The following TCF12 variants were observed in gnomAD, a reference collection of about 807,000 sequenced individuals.
TCF12 encodes transcription factor 12.
A neutral mutation model predicts 86.0 loss-of-function variants in TCF12; 45 were observed. That is an observed-to-expected ratio of 0.52 (90% CI 0.41 to 0.67). TCF12 has a LOEUF of 0.67. TCF12 is among the 30% of genes least tolerant of loss of function. The pLI is 0.00. For missense variants in TCF12, 881 were observed against 859.9 expected (o/e 1.02, Z -0.31); for synonymous variants, 330 against 299.6 (o/e 1.10, Z -1.05).
At chr15:57,125,029 G>A (rs545034748) in intron 5 of TCF12, among the ~76,000 whole-genome samples, 133 of 152,032 alleles carry the variant, frequency 8.7e-4, no homozygotes, top group African/African-American at 3.1e-3. Flanking sequence ...TTCTTTTTCC[G>A]CGACCGCCGT....
intron 5 of TCF12, among the ~76,000 whole-genome samples, chr15:57,143,156 C>A (rs551506241): frequency 3.6e-5 from 5 of 139,996 alleles, no homozygotes; most frequent in Admixed American, 7.9e-5. Context: ...CGTGCCCCCC[C>A]CCACCAAAAA....
chr15:57,012,623 A>G (rs760717704), intron 3 of TCF12, among the ~76,000 whole-genome samples: 6 of 152,214 alleles, frequency 3.9e-5, no homozygotes, highest in Non-Finnish European at 7.3e-5. Context: ...AGGATTGGAC[A>G]GAGGGAAAAG....
At chr15:57,074,360 T>A (rs11855170) in intron 4 of TCF12, among the ~76,000 whole-genome samples, 7 of 110,620 alleles carry the variant, frequency 6.3e-5, no homozygotes, top group Non-Finnish European at 8.8e-5. Flanking sequence ...CCATTTTGAT[T>A]AAAAAAAAAA....
At chr15:57,080,944 C>G (rs1186991739) in intron 4 of TCF12, among the ~76,000 whole-genome samples, 1 of 152,082 alleles carries the variant, frequency 6.6e-6, no homozygotes, top group Non-Finnish European at 1.5e-5. Context: ...GTACCTATTC[C>G]CACCTTGGGC....
chr15:57,127,404 T>C (rs543803773), intron 5 of TCF12, among the ~76,000 whole-genome samples: 1 of 152,350 alleles, frequency 6.6e-6, no homozygotes, highest in Admixed American at 6.5e-5. Context: ...ATTTTCATCA[T>C]TAATAGTTTT....
At chr15:57,145,826 C>CT (rs1294257312) in intron 5 of TCF12, among the ~76,000 whole-genome samples, 1 of 152,104 alleles carries the variant, frequency 6.6e-6, no homozygotes. Flanking sequence ...TCTGCTCCTG[C>CT]TGCGTGATAG....
chr15:56,938,361 A>G (rs1022623253), intron 3 of TCF12, among the ~76,000 whole-genome samples: 4 of 151,698 alleles, frequency 2.6e-5, no homozygotes, highest in Non-Finnish European at 2.9e-5. Flanking sequence ...GGGTTTCACC[A>G]TGTTGGCCAG....
rs375949929 is a variant in TCF12 at position 56,946,119 on chromosome 15, G to T, written c.148+25021G>T. 3.2e-3 allele frequency among the ~76,000 whole-genome samples: 494 copies of T among 152,274 alleles called. 5 individuals are homozygous for T. Among genetic ancestry groups the T allele is most frequent in the South Asian group, 0.03 (144 of 4,812 alleles). ...AGGCAAGGTTTCTCTGTGTATGGGT[G>T]TTTGAGATGTATGTTTATAGTTGTT... On this transcript the variant is annotated intron_variant, in intron 3 of 20. Coordinates refer to ENST00000333725, the MANE Select transcript of TCF12 (RefSeq NM_207037.2).
At chr15:57,262,308 T>A in intron 17 of TCF12, 100 bp downstream of exon 17, 1 of 902,886 alleles carries the variant, frequency 1.1e-6, no homozygotes, top group Non-Finnish European at 1.7e-6. Context: ...GAATCAAAAG[T>A]CATTGAGGTG....
At chr15:56,988,147 A>T (rs933235124) in intron 3 of TCF12, among the ~76,000 whole-genome samples, 1 of 152,214 alleles carries the variant, frequency 6.6e-6, no homozygotes, top group Admixed American at 6.5e-5. Flanking sequence ...ATTTTAAAAG[A>T]TAGTAACATT....
chr15:57,050,707 CATT>C (rs1193308150), intron 3 of TCF12, among the ~76,000 whole-genome samples: 3 of 151,944 alleles, frequency 2.0e-5, no homozygotes, highest in Non-Finnish European at 4.4e-5. Context: ...TTAATTTTTT[CATT>C]ATTTTTTGTG....
intron 17 of TCF12, 96 bp downstream of exon 17, chr15:57,262,304 A>G (rs2060625595): frequency 2.1e-6 from 2 of 935,354 alleles, no homozygotes; most frequent in Admixed American, 4.9e-5. Context: ...CTGTGAATCA[A>G]AAGTCATTGA....
At chr15:57,134,374 A>G (rs1354612026) in intron 5 of TCF12, 3 of 152,252 alleles carry the variant, frequency 2.0e-5, no homozygotes, top group Non-Finnish European at 4.4e-5. Context: ...ATTAACAGAA[A>G]TTGATGCTGA....
chr15:57,246,602 A>AT (rs1597603316), intron 13 of TCF12, among the ~76,000 whole-genome samples: 2 of 151,524 alleles, frequency 1.3e-5, no homozygotes, highest in East Asian at 1.9e-4. Context: ...AAAATTCCCT[A>AT]TTTTTTTATT....
chr15:57,066,793 G>A (rs1216964997), intron 4 of TCF12, among the ~76,000 whole-genome samples: 3 of 152,098 alleles, frequency 2.0e-5, no homozygotes, highest in African/African-American at 7.2e-5. Flanking sequence ...AACCATATTT[G>A]GCAGATGAAC....
intron 5 of TCF12, among the ~76,000 whole-genome samples, chr15:57,127,303 T>C (rs1218145804): frequency 6.6e-6 from 1 of 152,142 alleles, no homozygotes; most frequent in Non-Finnish European, 1.5e-5. Flanking sequence ...CTTTCTTCTT[T>C]TTTTTTATTC....
rs1335069677 is a variant in TCF12 at position 57,133,412 on chromosome 15, T to G, written c.326-32990T>G. Among the ~76,000 whole-genome samples, 4 of 152,204 alleles carry G rather than the reference T, an allele frequency of 2.6e-5. No homozygotes were observed. The East Asian group carries it at 7.7e-4, about 29-fold the overall frequency. ...ATCCTCTAGTGAATGAAATGATGTG[T>G]GATTATGAAGTCATCAGGCATGGAC... On this transcript the variant is annotated intron_variant, in intron 5 of 20. Transcript: ENST00000333725.
At chr15:57,255,948 T>A (rs919742022) in intron 16 of TCF12, among the ~76,000 whole-genome samples, 2 of 152,204 alleles carry the variant, frequency 1.3e-5, no homozygotes, top group African/African-American at 4.8e-5. Flanking sequence ...TCAGTCCTTA[T>A]CACCTTCTCA....
At chr15:57,225,078 C>A (rs1450735163) in intron 8 of TCF12, among the ~76,000 whole-genome samples, 2 of 151,888 alleles carry the variant, frequency 1.3e-5, no homozygotes, top group Non-Finnish European at 2.9e-5. Context: ...ATTAGACTAT[C>A]ATTTTAATAT....
Sources: allele counts gnomAD v4.1 joint callset (sites outside exome capture counted in the v4.1 genomes callset), GRCh38; gene constraint gnomAD v4.1.1; transcripts MANE v1.5; gene names NCBI Gene and HGNC (gene_info 2026-07-23, HGNC 2026-07-21).